Variants in SOCS6 observed in about 807,000 individuals in gnomAD.
The protein encoded by SOCS6 is STAT induced STAT inhibitor-4.
SOCS6 carries 5 observed loss-of-function variants against 27.7 expected under a neutral mutation model. The ratio of observed to expected loss-of-function variants is 0.18; its 90% CI spans 0.09 to 0.38. The LOEUF (loss-of-function observed/expected upper bound fraction) is 0.38, where lower values mean the gene tolerates loss of function less well. Ranked by LOEUF, SOCS6 falls within the 10% of genes least tolerant of loss-of-function variation. The pLI, the probability that SOCS6 is intolerant of heterozygous loss-of-function variation, is 1.00. For missense variants in SOCS6, 595 were observed against 688.1 expected, an observed-to-expected ratio of 0.86 and a Z score of 1.51; for synonymous variants, 271 against 260.0, an observed-to-expected ratio of 1.04 and a Z score of -0.41.
chr18:70,297,974 T>G (rs949991950), intron 1 of SOCS6, among the ~76,000 whole-genome samples: 2 of 152,180 alleles, frequency 1.3e-5, no homozygotes, highest in Admixed American at 6.5e-5. Flanking sequence ...GTGAAAGCAT[T>G]TGAATAATGG....
chr18:70,325,271 G>T lies in SOCS6; in HGVS notation c.603G>T (p.Leu201=), dbSNP rs765311217. 6.2e-6 allele frequency: 10 copies of T among 1,614,202 alleles called. No homozygotes were observed. Among genetic ancestry groups the T allele is most frequent in the Non-Finnish European group, 8.5e-6 (10 of 1,180,028 alleles). The change falls in exon 2 of 2, where the codon CTG becomes CTT. Residue 201 remains leucine, a synonymous_variant. Coordinates refer to ENST00000397942, the MANE Select transcript of SOCS6 (RefSeq NM_004232.4). This position sits in a 1 kb window ranked among gnomAD's most constrained non-coding sequence, Gnocchi z 6.3. ...LKSSASHNGD[L]HLHLDEHVPV... Reference sequence around the variant, plus strand: ...GCTCGGCTTCTCATAATGGAGACCTGCATCTTCACCTGGATGAACATGTGC... The same window carrying T: ...GCTCGGCTTCTCATAATGGAGACCTTCATCTTCACCTGGATGAACATGTGC...
intron 1 of SOCS6, chr18:70,314,253 C>G (rs1600161650): frequency 6.6e-6 from 1 of 152,098 alleles, no homozygotes; most frequent in East Asian, 1.9e-4. Flanking sequence ...GAGACCCCAT[C>G]TCAAAACTAA....
In SOCS6 at chr18:70,325,419, T is replaced by C. The variant is rs1400329313; in HGVS notation, c.751T>C (p.Ser251Pro). Residue 251 changes from serine to proline, a missense_variant, in exon 2 of 2, where the codon TCT (serine) becomes CCT (proline). Physicochemically the swap from Ser to Pro is moderately conservative, Grantham distance 74. Around this residue, in one of 2 missense-constraint regions of SOCS6, gnomAD observed 467 missense variants for 481.1 expected, o/e 0.97. Coordinates refer to ENST00000397942, the MANE Select transcript of SOCS6 (RefSeq NM_004232.4). The surrounding 1 kb of genome is among the most constrained non-coding windows in gnomAD (Gnocchi z 6.3). ...GGACAGCTCTTCTCCCATGGAAGTCTCTGCGGTTCCTCCTCAAGTGGGAGG... is the reference window on the plus strand; with the variant it reads ...GGACAGCTCTTCTCCCATGGAAGTCCCTGCGGTTCCTCCTCAAGTGGGAGG... ...CLDSSSPMEV[S>P]AVPPQVGGRA... is the part of the protein sequence containing the mutation. 1 of 1,614,220 alleles carries C rather than the reference T, an allele frequency of 6.2e-7. No individual in the cohort carries two copies. Among genetic ancestry groups the C allele is most frequent in the Non-Finnish European group, 8.5e-7 (1 of 1,180,036 alleles).
At chr18:70,299,867 T>C (rs1415352745) in intron 1 of SOCS6, among the ~76,000 whole-genome samples, 1 of 152,192 alleles carries the variant, frequency 6.6e-6, no homozygotes, top group Non-Finnish European at 1.5e-5. Flanking sequence ...TGTTAGGTGT[T>C]ATAAATAATC....
At chr18:70,307,312 G>T (rs1323627366) in intron 1 of SOCS6, among the ~76,000 whole-genome samples, 1 of 152,180 alleles carries the variant, frequency 6.6e-6, no homozygotes, top group Non-Finnish European at 1.5e-5. Flanking sequence ...ATATTGATTT[G>T]TAGTTTTCTT....
intron 1 of SOCS6, among the ~76,000 whole-genome samples, chr18:70,294,544 A>G (rs1035572430): frequency 1.3e-5 from 2 of 152,242 alleles, no homozygotes; most frequent in African/African-American, 2.4e-5. Context: ...CAAAAGTAGT[A>G]TTCTGATTAA....
At chr18:70,309,955 G>A (rs1166791062) in intron 1 of SOCS6, among the ~76,000 whole-genome samples, 1 of 152,292 alleles carries the variant, frequency 6.6e-6, no homozygotes, top group African/African-American at 2.4e-5. Context: ...CAGAATGCTG[G>A]GTTTACAGGC....
chr18:70,329,941 G>A lies in SOCS6; in HGVS notation c.*3665G>A, dbSNP rs184147802. 516 of 167,144 alleles carry A rather than the reference G, an allele frequency of 3.1e-3. No homozygotes were observed. The highest frequency in any genetic ancestry group is 0.014 in the Middle Eastern group (4 of 296). 10.4% of individuals were successfully genotyped at this position (167,144 alleles called of 1,614,324 possible). On this transcript the variant is annotated 3_prime_UTR_variant, in exon 2 of 2. Transcript: ENST00000397942. ...GTTGGGTGAAAGAAATTTCATAGTC[G>A]TTGGAGTGCCATGAAATTAATACTT...
chr18:70,308,890 A>G (rs935559676), intron 1 of SOCS6, among the ~76,000 whole-genome samples: 1 of 152,110 alleles, frequency 6.6e-6, no homozygotes, highest in Admixed American at 6.6e-5. Context: ...CATGATTATT[A>G]TTTACATGGA....
rs1911333334 is a variant in SOCS6, at chr18:70,329,363, A to G, written c.*3087A>G. On this transcript the variant is annotated 3_prime_UTR_variant, in exon 2 of 2. Coordinates refer to ENST00000397942, the MANE Select transcript of SOCS6 (RefSeq NM_004232.4). ...GCTAAATCATTGGCATAAAGGAAACAAAACCCAAAGTATGCGTTGTAATTC... is the reference window on the plus strand; with the variant it reads ...GCTAAATCATTGGCATAAAGGAAACGAAACCCAAAGTATGCGTTGTAATTC... 6.0e-6 allele frequency: 1 copy of G among 167,112 alleles called. No homozygotes were observed. Among genetic ancestry groups the G allele is most frequent in the Admixed American group, 6.5e-5 (1 of 15,282 alleles). 10.4% of individuals were successfully genotyped at this position (167,112 alleles called of 1,614,324 possible). A position where few individuals can be genotyped will look rare whatever the true frequency, so the allele number is the denominator to read the frequency against.
chr18:70,327,342 T>C lies in SOCS6; in HGVS notation c.*1066T>C, dbSNP rs1026076184. 1 of 166,806 alleles carries C rather than the reference T, an allele frequency of 6.0e-6. No individual in the cohort carries two copies. Among genetic ancestry groups the C allele is most frequent in the African/African-American group, 2.4e-5 (1 of 41,448 alleles). 10.3% of individuals were successfully genotyped at this position (166,806 alleles called of 1,614,324 possible). A position where few individuals can be genotyped will look rare whatever the true frequency, so the allele number is the denominator to read the frequency against. On this transcript the variant is annotated 3_prime_UTR_variant, in exon 2 of 2. Coordinates refer to ENST00000397942, the MANE Select transcript of SOCS6 (RefSeq NM_004232.4). ...TAAAGTTGGATTTATATTTTTCTTC[T>C]ATGTAGTTACTATAAAAGTGTGCTG... is the stretch of plus-strand genomic sequence containing the variant.
chr18:70,321,619 C>T (rs966000956), intron 1 of SOCS6, among the ~76,000 whole-genome samples: 3 of 151,392 alleles, frequency 2.0e-5, no homozygotes, highest in African/African-American at 7.3e-5. Flanking sequence ...AGTGAGCCAT[C>T]ATGCCCCGCC....
At chr18:70,305,163 G>A (rs1211735931) in intron 1 of SOCS6, among the ~76,000 whole-genome samples, 3 of 151,948 alleles carry the variant, frequency 2.0e-5, no homozygotes, top group East Asian at 3.9e-4. Flanking sequence ...AGCCGAGATC[G>A]CGCCACTGCA....
chr18:70,317,820 C>A (rs575882015), intron 1 of SOCS6, among the ~76,000 whole-genome samples: 1 of 152,060 alleles, frequency 6.6e-6, no homozygotes, highest in East Asian at 1.9e-4. Flanking sequence ...GAACTGTTCC[C>A]TTTTTACCAC....
At chr18:70,305,694 GGA>G (rs2062366246) in intron 1 of SOCS6, among the ~76,000 whole-genome samples, 1 of 152,138 alleles carries the variant, frequency 6.6e-6, no homozygotes, top group Non-Finnish European at 1.5e-5. Flanking sequence ...TCAAAAACAT[GGA>G]ATCTCTAATT....
Position 70,304,971 on chromosome 18 carries a change from C to T in SOCS6, c.-127+15881C>T, listed in dbSNP as rs570820478. On this transcript the variant is annotated intron_variant, in intron 1 of 1. Transcript: ENST00000397942. ...CCTGTAATCCCAGCACTTTGGGATG[C>T]CGAGGTGGGCGGATCTGAAGGTCAG... 2.0e-5 allele frequency among the ~76,000 whole-genome samples: 3 copies of T among 152,208 alleles called. No homozygotes were observed. In the South Asian group the frequency reaches 6.2e-4, roughly 32 times the overall value.
intron 1 of SOCS6, among the ~76,000 whole-genome samples, chr18:70,289,321 A>C (rs2062287440): frequency 2.7e-5 from 4 of 147,334 alleles, no homozygotes; most frequent in Admixed American, 6.7e-5. Flanking sequence ...GGGCCGGGGA[A>C]CGGGGGCCGG....
At chr18:70,318,761 C>T (rs1600165220) in intron 1 of SOCS6, among the ~76,000 whole-genome samples, 1 of 152,038 alleles carries the variant, frequency 6.6e-6, no homozygotes, top group South Asian at 2.1e-4. Context: ...CATGGCAAAA[C>T]CCTGTCTCTA....
rs900414892 is a variant in SOCS6, at chr18:70,317,677, AT to A, written c.-126-6854del. Reference sequence around the variant, plus strand: ...GTGCTGCTATGTGTGTGCCAGTACAATTTTTTTTTTTTCCCTCTGGGTAGAT... The same window carrying A: ...GTGCTGCTATGTGTGTGCCAGTACAATTTTTTTTTTTCCCTCTGGGTAGAT... On this transcript the variant is annotated intron_variant, in intron 1 of 1. Coordinates refer to ENST00000397942, the MANE Select transcript of SOCS6 (RefSeq NM_004232.4). Among the ~76,000 whole-genome samples the A allele has an allele frequency of 7.2e-3, 1,046 of 144,512 alleles. 6 individuals are homozygous for A. Among genetic ancestry groups the A allele is most frequent in the African/African-American group, 0.019 (735 of 39,560 alleles). 94.8% of individuals were successfully genotyped at this position (144,512 alleles called of 152,430 possible). A position where few individuals can be genotyped will look rare whatever the true frequency, so the allele number is the denominator to read the frequency against.
Sources: allele counts gnomAD v4.1 joint callset (sites outside exome capture counted in the v4.1 genomes callset), GRCh38; gene constraint gnomAD v4.1.1; regional missense constraint gnomAD v4.1.1; non-coding constraint Gnocchi (gnomAD v3.1); transcripts MANE v1.5; gene names NCBI Gene and HGNC (gene_info 2026-07-23, HGNC 2026-07-21).